MAPRE2: variants seen among roughly 807,000 people sequenced by gnomAD.
The protein encoded by MAPRE2 is microtubule associated protein RP/EB family member 2.
MAPRE2 carries 13 observed loss-of-function variants against 43.2 expected under a neutral mutation model. The observed-to-expected ratio is 0.30, with a 90% confidence interval of 0.20 to 0.48. MAPRE2 has a LOEUF of 0.48. MAPRE2 is among the 20% of genes least tolerant of loss of function. The probability of loss-of-function intolerance (pLI) is 0.99; values close to 1 mark genes in which losing one functional copy is unlikely to be tolerated. For synonymous variants in MAPRE2, 135 were observed against 148.8 expected (o/e 0.91, Z 0.68); for missense variants, 161 against 400.2 (o/e 0.40, Z 5.10).
rs1910713914 is a variant in MAPRE2 at position 35,142,742 on chromosome 18, A to G, written c.*2373A>G. ...GCTTTGGGGAATCTTTAACAGCTGA[A>G]TTTGAGTCAGTCCTCTTAGGCTGCA... On this transcript the variant is annotated 3_prime_UTR_variant, in exon 7 of 7. Transcript: ENST00000300249. 1 of 152,212 alleles carries G rather than the reference A, an allele frequency of 6.6e-6. No homozygotes were observed. Among genetic ancestry groups the G allele is most frequent in the Non-Finnish European group, 1.5e-5 (1 of 68,066 alleles). The allele number at this position is 152,212 out of a possible 1,614,324, so 9.4% of individuals were successfully genotyped here.
At chr18:35,004,455 T>C (rs946387843) in intron 1 of MAPRE2, among the ~76,000 whole-genome samples, 4 of 152,290 alleles carry the variant, frequency 2.6e-5, no homozygotes, top group Non-Finnish European at 1.5e-5. Context: ...AGTTGAAACA[T>C]AGCAACCTCC....
chr18:35,087,020 G>A (rs1383098359), intron 2 of MAPRE2, among the ~76,000 whole-genome samples: 1 of 152,080 alleles, frequency 6.6e-6, no homozygotes, highest in Non-Finnish European at 1.5e-5. Context: ...CCTGGGATCT[G>A]GTGAAAATGA....
At chr18:35,024,078 A>G (rs962322286) in intron 2 of MAPRE2, among the ~76,000 whole-genome samples, 9 of 152,244 alleles carry the variant, frequency 5.9e-5, no homozygotes, top group African/African-American at 2.2e-4. Flanking sequence ...CATAATGTTC[A>G]TATAAACAAA....
At chr18:35,122,554 GTGAT>G (rs960698950) in intron 4 of MAPRE2, among the ~76,000 whole-genome samples, 1 of 152,196 alleles carries the variant, frequency 6.6e-6, no homozygotes, top group Non-Finnish European at 1.5e-5. Context: ...AGTTACCTAA[GTGAT>G]TGATTATTAA....
chr18:34,984,761 C>G (rs1359879029), intron 1 of MAPRE2, among the ~76,000 whole-genome samples: 2 of 129,968 alleles, frequency 1.5e-5, no homozygotes, highest in Non-Finnish European at 3.1e-5. Flanking sequence ...ATATTACATA[C>G]TATATATAAT....
intron 2 of MAPRE2, among the ~76,000 whole-genome samples, chr18:35,008,084 G>T (rs1406627559): frequency 6.6e-6 from 1 of 152,054 alleles, no homozygotes; most frequent in Non-Finnish European, 1.5e-5. Flanking sequence ...GCTATTAAGT[G>T]GTTCCTGAGA....
intron 2 of MAPRE2, among the ~76,000 whole-genome samples, chr18:35,024,705 C>T (rs2097044055): frequency 6.6e-6 from 1 of 152,050 alleles, no homozygotes; most frequent in Non-Finnish European, 1.5e-5. Context: ...TAGAAATAGA[C>T]CTTTTCAGTA....
intron 2 of MAPRE2, among the ~76,000 whole-genome samples, chr18:35,015,123 A>G (rs1332300601): frequency 6.6e-6 from 1 of 151,876 alleles, no homozygotes; most frequent in Non-Finnish European, 1.5e-5. Context: ...ACCCCCCTTC[A>G]CTTTCTGACT....
intron 1 of MAPRE2, among the ~76,000 whole-genome samples, chr18:34,998,640 T>C (rs1458892819): frequency 6.6e-6 from 1 of 151,996 alleles, no homozygotes; most frequent in East Asian, 1.9e-4. Flanking sequence ...TTTTTTTATT[T>C]TTAGTAGAGA....
chr18:35,121,985 A>T lies in MAPRE2; in HGVS notation c.611-4963A>T, dbSNP rs1277181706. ...TCTAGTGCCCAGGTAAGGGGGAAAG[A>T]GTATCTGGCAGCCCCAGAAATTTTA... On this transcript the variant is annotated intron_variant, in intron 4 of 6. Coordinates refer to ENST00000300249, the MANE Select transcript of MAPRE2 (RefSeq NM_014268.4). Among the ~76,000 whole-genome samples the T allele has an allele frequency of 2.6e-5, 4 of 152,256 alleles. No individual in the cohort carries two copies. The East Asian group carries it at 5.8e-4, about 22-fold the overall frequency.
At chr18:35,053,633 T>G (rs1391447560) in intron 1 of MAPRE2, among the ~76,000 whole-genome samples, 1 of 152,188 alleles carries the variant, frequency 6.6e-6, no homozygotes, top group Admixed American at 6.5e-5. Flanking sequence ...CCCTTCTTGC[T>G]AGATTCCACT....
intron 1 of MAPRE2, among the ~76,000 whole-genome samples, chr18:35,068,615 G>A (rs1568991291): frequency 6.6e-6 from 1 of 152,224 alleles, no homozygotes; most frequent in African/African-American, 2.4e-5. Flanking sequence ...TAGAGAAAAA[G>A]AGTTAGGCAC....
At position 35,018,251 on chromosome 18, in the gene MAPRE2, G is replaced by T. The variant is rs568171678; in HGVS notation, c.-8+12698G>T. On this transcript the variant is annotated intron_variant, in intron 2 of 7. Transcript: ENST00000413393. ...GATTTTTGCATCTATGTTTGTTAGG[G>T]ATATTGGCATGTAGTTTTCTTTTTT... Among the ~76,000 whole-genome samples the T allele has an allele frequency of 5.3e-5, 8 of 152,064 alleles. 1 individual carries two copies. Among genetic ancestry groups the T allele is most frequent in the South Asian group, 4.2e-4 (2 of 4,818 alleles).
At chr18:35,064,603 G>A (rs895885045) in intron 1 of MAPRE2, among the ~76,000 whole-genome samples, 12 of 152,190 alleles carry the variant, frequency 7.9e-5, no homozygotes, top group Admixed American at 7.2e-4. Flanking sequence ...GAACAAAATT[G>A]TTGAGTATTT....
intron 1 of MAPRE2, among the ~76,000 whole-genome samples, chr18:35,047,716 T>A (rs1216610923): frequency 7.0e-6 from 1 of 143,104 alleles, no homozygotes. Flanking sequence ...GTAGGTTACT[T>A]AAAAAAAAAA....
At chr18:35,010,407 A>C (rs558542407) in intron 2 of MAPRE2, among the ~76,000 whole-genome samples, 11 of 152,296 alleles carry the variant, frequency 7.2e-5, no homozygotes, top group African/African-American at 2.6e-4. Flanking sequence ...GCTTGACCTC[A>C]CTAAGCTCCA....
rs147239161 is a variant in MAPRE2 at position 35,012,427 on chromosome 18, A to G, written c.-8+6874A>G. 8.5e-4 allele frequency among the ~76,000 whole-genome samples: 130 copies of G among 152,292 alleles called. 2 individuals are homozygous for G. The highest frequency in any genetic ancestry group is 2.8e-3 in the African/African-American group (117 of 41,558). ...ATCACCAATATTTGAAATGTAGATT[A>G]AGAAAAAGAGAGAGTACACCTATGT... On this transcript the variant is annotated intron_variant, in intron 2 of 7. Coordinates refer to the MAPRE2 transcript ENST00000413393.
chr18:35,007,667 T>C (rs557362721), intron 2 of MAPRE2, among the ~76,000 whole-genome samples: 5 of 152,236 alleles, frequency 3.3e-5, no homozygotes, highest in Non-Finnish European at 7.3e-5. Flanking sequence ...TGGTAGGAGA[T>C]GGCAGAGAAC....
intron 4 of MAPRE2, among the ~76,000 whole-genome samples, chr18:35,111,392 A>T (rs1213630223): frequency 6.6e-6 from 1 of 152,070 alleles, no homozygotes; most frequent in African/African-American, 2.4e-5. Context: ...TGCTAATTCC[A>T]TCATTCTGGC....
Sources: allele counts gnomAD v4.1 joint callset (sites outside exome capture counted in the v4.1 genomes callset), GRCh38; gene constraint gnomAD v4.1.1; transcripts MANE v1.5; gene names NCBI Gene and HGNC (gene_info 2026-07-23, HGNC 2026-07-21).